ZEB1: variants seen among roughly 807,000 people sequenced by gnomAD.
ZEB1 encodes the protein zinc finger E-box-binding homeobox 1.
A neutral mutation model predicts 84.9 loss-of-function variants in ZEB1; 21 were observed. The ratio of observed to expected loss-of-function variants is 0.25; its 90% CI spans 0.18 to 0.36. ZEB1 has a LOEUF of 0.36. Among genes scored for constraint, ZEB1 ranks in the 10% least tolerant of loss-of-function variants. ZEB1 has a pLI of 1.00. For missense variants in ZEB1, 1,104 were observed against 1,330.2 expected, an observed-to-expected ratio of 0.83 and a Z score of 2.65; for synonymous variants, 420 against 471.1, an observed-to-expected ratio of 0.89 and a Z score of 1.41.
At chr10:31,337,363 AAAAC>A (rs2038350841) in intron 1 of ZEB1, among the ~76,000 whole-genome samples, 1 of 152,124 alleles carries the variant, frequency 6.6e-6, no homozygotes, top group African/African-American at 2.4e-5. Context: ...TGTTTAAAAA[AAAAC>A]GATGGTGGAA....
At chr10:31,464,406 T>C (rs2062148649) in intron 2 of ZEB1, among the ~76,000 whole-genome samples, 1 of 151,902 alleles carries the variant, frequency 6.6e-6, no homozygotes, top group Non-Finnish European at 1.5e-5. Context: ...TACATGAAGA[T>C]TCAATACATC....
chr10:31,439,359 A>C (rs2058644836), intron 1 of ZEB1, among the ~76,000 whole-genome samples: 1 of 152,222 alleles, frequency 6.6e-6, no homozygotes, highest in Non-Finnish European at 1.5e-5. Context: ...TTGTTAGATC[A>C]ACAGGTCGGC....
intron 1 of ZEB1, chr10:31,381,938 G>A (rs1262050867): frequency 1.3e-5 from 2 of 149,006 alleles, no homozygotes; most frequent in Admixed American, 6.7e-5. Context: ...TTGACCCCAG[G>A]TGGCAGGGGT....
intron 2 of ZEB1, among the ~76,000 whole-genome samples, chr10:31,466,950 G>A (rs1326998489): frequency 2.6e-5 from 4 of 152,190 alleles, no homozygotes; most frequent in African/African-American, 9.7e-5. Context: ...GATCTGGGAT[G>A]CACCTCTTCT....
rs374888086 is a variant in ZEB1, at chr10:31,522,896, G to A, written c.2604+960G>A. ...ATAACTCTTGAAAAAAAGTTCTTACGTGATCATTGAATTCCTCTAAATTTT... is the reference window on the plus strand; with the variant it reads ...ATAACTCTTGAAAAAAAGTTCTTACATGATCATTGAATTCCTCTAAATTTT... On this transcript the variant is annotated intron_variant, in intron 7 of 8. Transcript: ENST00000424869. Among the ~76,000 whole-genome samples, 38 of 152,090 alleles carry A rather than the reference G, an allele frequency of 2.5e-4. 1 individual carries two copies. The highest frequency in any genetic ancestry group is 8.2e-4 in the African/African-American group (34 of 41,492).
upstream of ZEB1, chr10:31,319,194 G>T: frequency 6.8e-7 from 1 of 1,481,458 alleles, no homozygotes; most frequent in Non-Finnish European, 9.2e-7. Context: ...GGAGGGAGGG[G>T]GAGGAGGTGA....
intron 1 of ZEB1, chr10:31,319,913 G>A (rs1167065703): frequency 7.3e-6 from 1 of 136,930 alleles, no homozygotes; most frequent in African/African-American, 3.0e-5. Flanking sequence ...GCGGCGGGAC[G>A]GGGCGGCCGC....
intron 1 of ZEB1, among the ~76,000 whole-genome samples, chr10:31,377,612 A>G (rs2046878444): frequency 6.6e-6 from 1 of 151,784 alleles, no homozygotes; most frequent in African/African-American, 2.4e-5. Flanking sequence ...TTTTACATGT[A>G]CTATTTCAAG....
chr10:31,408,485 C>A lies in ZEB1; in HGVS notation c.59-52552C>A, dbSNP rs969853363. On this transcript the variant is annotated intron_variant, in intron 1 of 8. Transcript: ENST00000424869. Reference sequence around the variant, plus strand: ...AAGCTGGAGGCATCACACTACCTGACTTCAAACTATACTACAAGGCTACAG... The same window carrying A: ...AAGCTGGAGGCATCACACTACCTGAATTCAAACTATACTACAAGGCTACAG... Among the ~76,000 whole-genome samples, 53 of 150,744 alleles carry A rather than the reference C, an allele frequency of 3.5e-4. 1 individual carries two copies. Among genetic ancestry groups the A allele is most frequent in the Non-Finnish European group, 8.9e-5 (6 of 67,592 alleles).
chr10:31,483,959 G>A (rs59208313), intron 2 of ZEB1, among the ~76,000 whole-genome samples: 2,466 of 152,090 alleles, frequency 0.016, 65 homozygotes, highest in African/African-American at 0.057. Flanking sequence ...TGGTGGCATA[G>A]TCAGATCCTT....
chr10:31,527,102 A>G lies in ZEB1; in HGVS notation c.3216A>G (p.Glu1072=), dbSNP rs1214696456. The change falls in exon 9 of 9, where the codon GAA becomes GAG. Residue 1072 remains glutamate (E), a synonymous_variant. Transcript: ENST00000424869. The stretch of plus-strand genomic sequence containing the variant: ...AGGAAGAGGAGGAGGAGGAGGAAGA[A>G]GTGGAAGAAGAAGAGGTAGAAGAGG... ...GDEEEEEEEE[E]VEEEEVEEAE... 11 of 1,599,602 alleles carry G rather than the reference A, an allele frequency of 6.9e-6. No homozygotes were observed. The highest frequency in any genetic ancestry group is 9.4e-6 in the Non-Finnish European group (11 of 1,172,012).
chr10:31,394,910 T>TA (rs1455272834), intron 1 of ZEB1, among the ~76,000 whole-genome samples: 1 of 152,056 alleles, frequency 6.6e-6, no homozygotes, highest in Non-Finnish European at 1.5e-5. Context: ...GAGAGATATT[T>TA]ACAAGTTAGA....
At chr10:31,410,404 G>T (rs2135755133) in intron 1 of ZEB1, among the ~76,000 whole-genome samples, 1 of 152,246 alleles carries the variant, frequency 6.6e-6, no homozygotes, top group African/African-American at 2.4e-5. Context: ...GATTCAGTTT[G>T]CCAATATTTT....
intron 1 of ZEB1, among the ~76,000 whole-genome samples, chr10:31,438,425 A>C (rs996229273): frequency 3.3e-5 from 5 of 152,238 alleles, no homozygotes; most frequent in African/African-American, 9.6e-5. Flanking sequence ...GTATTCATCA[A>C]CTAATAAATG....
rs267602470 is a variant in ZEB1 at position 31,521,918 on chromosome 10, C to T, written c.2586C>T (p.Ile862=). The change falls in exon 7 of 9, where the codon ATC becomes ATT. Residue 862 remains isoleucine (I), a synonymous_variant. Coordinates refer to ENST00000424869, the MANE Select transcript of ZEB1 (RefSeq NM_001174096.2). The part of the protein sequence containing the change: ...PAVQEPPLKV[I]QPNGNQDERQ... The stretch of plus-strand genomic sequence containing the variant: ...TCCAAGAACCACCCTTGAAAGTGAT[C>T]CAGCCAAATGGAAATCAGGTAAAAA... 1.2e-6 allele frequency: 2 copies of T among 1,614,012 alleles called. No homozygotes were observed. Among genetic ancestry groups the T allele is most frequent in the Admixed American group, 1.7e-5 (1 of 60,012 alleles).
At chr10:31,448,983 T>G (rs1422628931) in intron 1 of ZEB1, among the ~76,000 whole-genome samples, 3 of 152,248 alleles carry the variant, frequency 2.0e-5, no homozygotes, top group Non-Finnish European at 4.4e-5. Context: ...TAATCAAGCC[T>G]GGGCAATGGC....
intron 4 of ZEB1, among the ~76,000 whole-genome samples, chr10:31,503,119 G>T (rs564764572): frequency 5.3e-5 from 8 of 152,068 alleles, no homozygotes; most frequent in Non-Finnish European, 7.4e-5. Context: ...GTATATTTAC[G>T]TAAAATTTTT....
Position 31,527,039 on chromosome 10 carries a change from G to T in ZEB1, c.3153G>T (p.Leu1051Phe), listed in dbSNP as rs2139976673. The T allele has an allele frequency of 1.3e-6, 2 of 1,586,634 alleles. No individual in the cohort carries two copies. Among genetic ancestry groups the T allele is most frequent in the Admixed American group, 3.6e-5 (2 of 55,814 alleles). ...EEEEDKEMEELQEEKECEKPQ... is the reference protein window; with the variant it reads ...EEEEDKEMEEFQEEKECEKPQ... ...AGGAGGATAAAGAGATGGAAGAATT[G>T]CAGGAAGAAAAAGAATGTGAAAAAC... is the stretch of plus-strand genomic sequence containing the variant. Residue 1051 changes from leucine to phenylalanine, a missense_variant, in exon 9 of 9, where the codon TTG (leucine) becomes TTT (phenylalanine). Leu to Phe is a conservative substitution (Grantham distance 22). Transcript: ENST00000424869.
intron 4 of ZEB1, among the ~76,000 whole-genome samples, chr10:31,506,831 T>C (rs530206247): frequency 6.6e-6 from 1 of 152,298 alleles, no homozygotes; most frequent in South Asian, 2.1e-4. Context: ...TTTGTTCCTT[T>C]CTTTCTTACT....
Sources: allele counts gnomAD v4.1 joint callset (sites outside exome capture counted in the v4.1 genomes callset), GRCh38; gene constraint gnomAD v4.1.1; transcripts MANE v1.5; gene names NCBI Gene and HGNC (gene_info 2026-07-23, HGNC 2026-07-21).